The following PI4KA variants were observed in gnomAD, a reference collection of about 807,000 sequenced individuals.
The protein encoded by PI4KA is PI4-kinase alpha.
A neutral mutation model predicts 271.4 loss-of-function variants in PI4KA; 122 were observed. The observed-to-expected ratio is 0.45, with a 90% confidence interval of 0.39 to 0.52. PI4KA has a LOEUF of 0.52. Ranked by LOEUF, PI4KA falls within the 20% of genes least tolerant of loss-of-function variation. PI4KA has a pLI of 0.00. For missense variants in PI4KA, 1,969 were observed against 2,769.1 expected (o/e 0.71, Z 6.48); for synonymous variants, 1,041 against 1,078.8 (o/e 0.96, Z 0.69).
At chr22:20,720,389 C>CA (rs1204349517) in intron 43 of PI4KA, among the ~76,000 whole-genome samples, 4 of 151,970 alleles carry the variant, frequency 2.6e-5, no homozygotes, top group African/African-American at 4.8e-5. Flanking sequence ...GGCTGAGCTA[C>CA]AAAAAATTAA....
chr22:20,799,563 G>A, intron 15 of PI4KA, 108 bp downstream of exon 15: 1 of 828,264 alleles, frequency 1.2e-6, no homozygotes, highest in East Asian at 2.7e-5. Flanking sequence ...CCTATGCTCT[G>A]AGACAAGGAG....
chr22:20,744,446 TG>T lies in PI4KA; in HGVS notation c.3456+181del, dbSNP rs36120605. ...CCCTCTTGTGGAAAAAACAAGTAAC[TG>T]GTCATTAACACTCTGGAATGTGCCA... is the stretch of plus-strand genomic sequence containing the variant. On this transcript the variant is annotated intron_variant, in intron 30 of 54. Transcript: ENST00000255882. 0.49 allele frequency among the ~76,000 whole-genome samples: 74,584 copies of T among 152,110 alleles called. 18,757 individuals carry two copies. Among genetic ancestry groups the T allele is most frequent in the East Asian group, 0.59 (3,028 of 5,172 alleles).
intron 15 of PI4KA, 65 bp from the exon 16 acceptor site, chr22:20,799,341 C>T (rs1051201934): frequency 2.9e-6 from 4 of 1,374,218 alleles, no homozygotes; most frequent in Non-Finnish European, 3.9e-6. Context: ...TGAAACAGTA[C>T]CCAGAGACTA....
chr22:20,808,371 ATCAGGAGT>A (rs1396549517), intron 9 of PI4KA, among the ~76,000 whole-genome samples: 7 of 151,446 alleles, frequency 4.6e-5, no homozygotes, highest in East Asian at 2.0e-4. Flanking sequence ...GGATCACGAG[ATCAGGAGT>A]TCAGGAGTTC....
chr22:20,718,842 G>A lies in PI4KA; in HGVS notation c.5117-20C>T. ...TGTCAGCTGCCAAGGAAGCAAAGAG[G>A]CTTAAGTCTCTGTGGCTGTGGCAGA... is the stretch of plus-strand genomic sequence containing the variant. On this transcript the variant is annotated intron_variant, in intron 43 of 54. Transcript: ENST00000255882. 1 of 1,612,328 alleles carries A rather than the reference G, an allele frequency of 6.2e-7. No individual in the cohort carries two copies. The highest frequency in any genetic ancestry group is 8.5e-7 in the Non-Finnish European group (1 of 1,179,400).
chr22:20,858,444 C>A, intron 1 of PI4KA, 126 bp downstream of exon 1: 1 of 622,742 alleles, frequency 1.6e-6, no homozygotes, highest in Non-Finnish European at 2.4e-6. Flanking sequence ...TCCGCTCAGG[C>A]GCCCCCTCCC....
chr22:20,834,663 A>G lies in PI4KA; in HGVS notation c.274-8T>C, dbSNP rs760511567. On this transcript the variant is annotated splice_region_variant and splice_polypyrimidine_tract_variant and intron_variant, in intron 2 of 54. Transcript: ENST00000255882. ...AACCACACAATCTTTGTGCTAAAAA[A>G]TAATAAGAAGAATAATAAATTAGAT... The G allele has an allele frequency of 6.5e-7, 1 of 1,547,290 alleles. No homozygotes were observed. The highest frequency in any genetic ancestry group is 1.1e-5 in the South Asian group (1 of 88,534).
chr22:20,716,039 G>A (rs370760361), intron 45 of PI4KA, among the ~76,000 whole-genome samples: 4 of 151,632 alleles, frequency 2.6e-5, no homozygotes, highest in East Asian at 3.9e-4. Flanking sequence ...ACAGGCACGC[G>A]CCACCATGCC....
intron 1 of PI4KA, among the ~76,000 whole-genome samples, chr22:20,855,074 C>G (rs12330019): frequency 2.0e-5 from 3 of 151,422 alleles, no homozygotes; most frequent in African/African-American, 7.3e-5. Flanking sequence ...ATCGCTTGAA[C>G]CCGGGAGGTG....
At chr22:20,804,063 G>A (rs969895053) in intron 12 of PI4KA, among the ~76,000 whole-genome samples, 4 of 152,212 alleles carry the variant, frequency 2.6e-5, no homozygotes, top group African/African-American at 4.8e-5. Context: ...TCACAACAAC[G>A]GAGAACTGAA....
chr22:20,716,067 T>G lies in PI4KA; in HGVS notation c.5318-1367A>C, dbSNP rs78393688. 3.0e-4 allele frequency among the ~76,000 whole-genome samples: 46 copies of G among 152,252 alleles called. No homozygotes were observed. In the East Asian group the frequency reaches 8.1e-3, roughly 27 times the overall value. On this transcript the variant is annotated intron_variant, in intron 45 of 54. Coordinates refer to ENST00000255882, the MANE Select transcript of PI4KA (RefSeq NM_058004.4). ...ACCATGCCTGGTTAGTTTTTTTTTT[T>G]TGAGACCAAGTCTTGCACTGTCATC...
chr22:20,803,979 G>A (rs1488851016), intron 12 of PI4KA, among the ~76,000 whole-genome samples: 1 of 152,230 alleles, frequency 6.6e-6, no homozygotes. Context: ...GGTGTCAGGA[G>A]ACATCCCCTT....
intron 19 of PI4KA, among the ~76,000 whole-genome samples, chr22:20,769,079 G>A (rs1372026627): frequency 6.6e-6 from 1 of 152,322 alleles, no homozygotes; most frequent in Non-Finnish European, 1.5e-5. Flanking sequence ...CTAGACTTTG[G>A]TGGTTATGGA....
intron 13 of PI4KA, 64 bp downstream of exon 13, chr22:20,803,127 G>A (rs985797114): frequency 1.9e-6 from 3 of 1,560,140 alleles, no homozygotes; most frequent in South Asian, 1.1e-5. Flanking sequence ...AAACCTGTGT[G>A]AGGCTCACAC....
chr22:20,811,799 G>T (rs1036526344), intron 8 of PI4KA, among the ~76,000 whole-genome samples: 1 of 151,918 alleles, frequency 6.6e-6, no homozygotes, highest in African/African-American at 2.4e-5. Flanking sequence ...GGATAATGAG[G>T]TCAGGAGATC....
chr22:20,802,371 A>T (rs1935380840), intron 13 of PI4KA, among the ~76,000 whole-genome samples: 1 of 152,354 alleles, frequency 6.6e-6, no homozygotes, highest in South Asian at 2.1e-4. Flanking sequence ...AAAAGTACTG[A>T]TGACCAACCA....
chr22:20,777,796 A>G (rs1933422702), intron 19 of PI4KA, among the ~76,000 whole-genome samples: 1 of 152,220 alleles, frequency 6.6e-6, no homozygotes, highest in Non-Finnish European at 1.5e-5. Context: ...ACCAGGAAGT[A>G]AGCAAGAGAA....
chr22:20,829,350 T>C (rs1339461112), intron 3 of PI4KA, among the ~76,000 whole-genome samples: 1 of 152,200 alleles, frequency 6.6e-6, no homozygotes, highest in East Asian at 1.9e-4. Context: ...ATTTGTCTGT[T>C]CAGGGATTCA....
chr22:20,780,804 T>G (rs2147488406), intron 19 of PI4KA, among the ~76,000 whole-genome samples: 1 of 104,856 alleles, frequency 9.5e-6, no homozygotes, highest in Non-Finnish European at 2.0e-5. Context: ...AGTAAAACGA[T>G]GCTCCAAGGG....
Sources: allele counts gnomAD v4.1 joint callset (sites outside exome capture counted in the v4.1 genomes callset), GRCh38; gene constraint gnomAD v4.1.1; transcripts MANE v1.5; gene names NCBI Gene and HGNC (gene_info 2026-07-23, HGNC 2026-07-21).